TCF12: variants seen among roughly 807,000 people sequenced by gnomAD.
The protein encoded by TCF12 is transcription factor 12.
In TCF12, 45 loss-of-function variants were observed where a neutral mutation model predicts 86.0. The ratio of observed to expected loss-of-function variants is 0.52; its 90% CI spans 0.41 to 0.67. TCF12 has a LOEUF of 0.67. Among genes scored for constraint, TCF12 ranks in the 30% least tolerant of loss-of-function variants. TCF12 has a pLI of 0.00. For missense variants in TCF12, 881 were observed against 859.9 expected (o/e 1.02, Z -0.31); for synonymous variants, 330 against 299.6 (o/e 1.10, Z -1.05).
At chr15:57,177,516 C>G (rs2056010251) in intron 6 of TCF12, among the ~76,000 whole-genome samples, 1 of 151,424 alleles carries the variant, frequency 6.6e-6, no homozygotes, top group Non-Finnish European at 1.5e-5. Context: ...GGTGATCCAC[C>G]TGACTCAGCC....
At chr15:57,049,627 G>GGGCTGTTTCAAGTTTTT (rs2067478315) in intron 3 of TCF12, among the ~76,000 whole-genome samples, 1 of 152,140 alleles carries the variant, frequency 6.6e-6, no homozygotes, top group Admixed American at 6.5e-5. Flanking sequence ...ATAGACATTA[G>GGGCTGTTTCAAGTTTTT]GGCTGTTTCA....
rs532974593 is a variant in TCF12, at chr15:57,286,642, T to C, written c.*497T>C. 6.4e-5 allele frequency: 29 copies of C among 456,676 alleles called. No homozygotes were observed. Among genetic ancestry groups the C allele is most frequent in the African/African-American group, 3.0e-4 (15 of 50,190 alleles). The allele number at this position is 456,676 out of a possible 1,614,324, so 28.3% of individuals were successfully genotyped here. On this transcript the variant is annotated 3_prime_UTR_variant, in exon 21 of 21. Coordinates refer to ENST00000333725, the MANE Select transcript of TCF12 (RefSeq NM_207037.2). Reference sequence around the variant, plus strand: ...GCAGAGAACAAAGCAGTGACAACCATTGGCCCTTAGCATTCCCGGCATACC... The same window carrying C: ...GCAGAGAACAAAGCAGTGACAACCACTGGCCCTTAGCATTCCCGGCATACC...
At chr15:57,170,777 TA>T (rs1489986016) in intron 6 of TCF12, among the ~76,000 whole-genome samples, 10 of 3,638 alleles carry the variant, frequency 2.7e-3, no homozygotes, top group African/African-American at 3.9e-3. Flanking sequence ...ATATTATATA[TA>T]ATATATATAT....
At chr15:57,189,740 T>C (rs1308701211) in intron 6 of TCF12, among the ~76,000 whole-genome samples, 1 of 152,202 alleles carries the variant, frequency 6.6e-6, no homozygotes, top group Non-Finnish European at 1.5e-5. Flanking sequence ...GCTAGTTATA[T>C]ACCCAAAAGA....
At chr15:57,231,285 A>G (rs756008520) in intron 9 of TCF12, 28 bp downstream of exon 9, 2 of 1,440,032 alleles carry the variant, frequency 1.4e-6, no homozygotes, top group Admixed American at 1.7e-5. Flanking sequence ...ATTGCCAAAT[A>G]CTACTGCAGT....
Position 57,255,445 on chromosome 15 carries a change from C to A in TCF12, c.1467+1977C>A, listed in dbSNP as rs2060303468. 2.0e-5 allele frequency among the ~76,000 whole-genome samples: 3 copies of A among 152,134 alleles called. No homozygotes were observed. In the South Asian group the frequency reaches 6.2e-4, roughly 31 times the overall value. On this transcript the variant is annotated intron_variant, in intron 16 of 20. Transcript: ENST00000333725. ...TGCACTGCCCACTTCAGAACAACAA[C>A]AGAAGGTCTGCCAGAGGTATTTTTT...
chr15:57,075,550 G>C (rs2069815620), intron 4 of TCF12, among the ~76,000 whole-genome samples: 1 of 152,066 alleles, frequency 6.6e-6, no homozygotes, highest in African/African-American at 2.4e-5. Flanking sequence ...AATGATAAAA[G>C]CTATGATAAG....
At chr15:57,180,724 A>G (rs1322305499) in intron 6 of TCF12, among the ~76,000 whole-genome samples, 3 of 151,820 alleles carry the variant, frequency 2.0e-5, no homozygotes, top group African/African-American at 4.8e-5. Context: ...TGACTATAAC[A>G]TATGAGGTAC....
chr15:57,178,056 G>C (rs949537168), intron 6 of TCF12, among the ~76,000 whole-genome samples: 2 of 152,178 alleles, frequency 1.3e-5, no homozygotes, highest in Admixed American at 6.5e-5. Flanking sequence ...CAGGAGAAAA[G>C]AGCCTGTTAA....
rs575426654 is a variant in TCF12, at chr15:57,248,740, T to C, written c.1115-2610T>C. ...GTAATACAAACAAAATAAGTTTAAGTGTATGTATATTTTTTTCCAGTTTAA... is the reference window on the plus strand; with the variant it reads ...GTAATACAAACAAAATAAGTTTAAGCGTATGTATATTTTTTTCCAGTTTAA... On this transcript the variant is annotated intron_variant, in intron 13 of 20. Coordinates refer to ENST00000333725, the MANE Select transcript of TCF12 (RefSeq NM_207037.2). Among the ~76,000 whole-genome samples, 15 of 152,322 alleles carry C rather than the reference T, an allele frequency of 9.8e-5. No individual in the cohort carries two copies. In the South Asian group the frequency reaches 3.1e-3, roughly 32 times the overall value.
intron 18 of TCF12, among the ~76,000 whole-genome samples, chr15:57,264,804 A>T (rs2060771593): frequency 6.6e-6 from 1 of 152,044 alleles, no homozygotes; most frequent in South Asian, 2.1e-4. Context: ...ATCTTGGCTC[A>T]TTGCAACCTC....
At chr15:57,261,396 G>GTATT (rs1236180633) in intron 16 of TCF12, among the ~76,000 whole-genome samples, 1 of 152,034 alleles carries the variant, frequency 6.6e-6, no homozygotes, top group Non-Finnish European at 1.5e-5. Flanking sequence ...TTGCATAGGG[G>GTATT]TATTTATTCC....
At chr15:57,139,252 A>C (rs985327323) in intron 5 of TCF12, among the ~76,000 whole-genome samples, 40 of 152,044 alleles carry the variant, frequency 2.6e-4, no homozygotes, top group Non-Finnish European at 3.7e-4. Context: ...CTGCTCTAAA[A>C]TTTCTTACTC....
At chr15:57,249,994 CT>C (rs1197968278) in intron 13 of TCF12, among the ~76,000 whole-genome samples, 7 of 151,874 alleles carry the variant, frequency 4.6e-5, no homozygotes, top group East Asian at 1.9e-4. Context: ...TTTTATGCTT[CT>C]TTTTTTTCAT....
At chr15:57,155,303 A>G (rs1489434040) in intron 5 of TCF12, among the ~76,000 whole-genome samples, 3 of 152,124 alleles carry the variant, frequency 2.0e-5, no homozygotes, top group African/African-American at 7.2e-5. Context: ...AGTTATAATG[A>G]GTTAATATGT....
In TCF12 at chr15:57,232,699, T is replaced by C; in HGVS notation, c.826-13T>C. 2 of 1,607,816 alleles carry C rather than the reference T, an allele frequency of 1.2e-6. No homozygotes were observed. Among genetic ancestry groups the C allele is most frequent in the Non-Finnish European group, 1.7e-6 (2 of 1,177,586 alleles). ...GAAAATATATTTAATAGATCATATC[T>C]CTTTCCATCTAGAGTTATCCTCCAC... On this transcript the variant is annotated splice_polypyrimidine_tract_variant and intron_variant, in intron 10 of 20. Transcript: ENST00000333725.
chr15:57,108,076 T>C (rs1020890), intron 5 of TCF12, among the ~76,000 whole-genome samples: 149,094 of 152,310 alleles, frequency 0.98, 73,064 homozygotes, highest in East Asian at 1. Context: ...TTGAGTGCAC[T>C]GCACTCTTGT....
intron 5 of TCF12, among the ~76,000 whole-genome samples, chr15:57,095,098 A>G (rs538199006): frequency 1.3e-5 from 2 of 152,222 alleles, no homozygotes; most frequent in Non-Finnish European, 1.5e-5. Flanking sequence ...GGATATGTCA[A>G]TATGGGAAAG....
At chr15:57,232,196 T>C in intron 9 of TCF12, 95 bp from the exon 10 acceptor site, 1 of 1,420,268 alleles carries the variant, frequency 7.0e-7, no homozygotes, top group Non-Finnish European at 9.8e-7. Flanking sequence ...GGAGGAAAAA[T>C]ATCTGGAGGG....
Sources: gnomAD v4.1 joint callset for allele counts (sites outside exome capture counted in the v4.1 genomes callset) on GRCh38, gnomAD v4.1.1 for gene constraint, MANE v1.5 for transcripts, NCBI Gene and HGNC (gene_info 2026-07-23, HGNC 2026-07-21) for gene names.